CDH23: variants seen among roughly 807,000 people sequenced by gnomAD.
CDH23 encodes the protein cadherin-23.
In CDH23, 189 loss-of-function variants were observed where a neutral mutation model predicts 317.1. The observed-to-expected ratio is 0.60, with a 90% confidence interval of 0.53 to 0.67. The LOEUF is 0.67. Ranked by LOEUF, CDH23 falls within the 30% of genes least tolerant of loss-of-function variation. The pLI is 0.00. For synonymous variants in CDH23, 1,839 were observed against 1,876.8 expected (o/e 0.98, Z 0.52); for missense variants, 4,401 against 4,592.4 (o/e 0.96, Z 1.20).
intron 14 of CDH23, among the ~76,000 whole-genome samples, chr10:71,672,654 G>A (rs371695293): frequency 6.6e-6 from 1 of 152,184 alleles, no homozygotes; most frequent in African/African-American, 2.4e-5. Context: ...CCAGTCCAAC[G>A]TGGGCAGGGG....
chr10:71,720,686 G>C (rs1866515875), intron 28 of CDH23, among the ~76,000 whole-genome samples: 1 of 152,210 alleles, frequency 6.6e-6, no homozygotes, highest in South Asian at 2.1e-4. Context: ...CCCATAAAAA[G>C]AGGCACTGTC....
At chr10:71,532,727 G>GTTTTTTTTTTTTTTTTTTTT (rs200038577) in intron 6 of CDH23, among the ~76,000 whole-genome samples, 7 of 93,930 alleles carry the variant, frequency 7.5e-5, no homozygotes, top group Non-Finnish European at 9.6e-5. Flanking sequence ...TTTTTTTTTT[G>GTTTTTTTTTTTTTTTTTTTT]TTTTTTTTTT....
chr10:71,527,228 G>A (rs1005592194), intron 6 of CDH23, among the ~76,000 whole-genome samples: 93 of 152,368 alleles, frequency 6.1e-4, no homozygotes, highest in African/African-American at 2.1e-3. Flanking sequence ...CACAGGGCAC[G>A]CACGCGTGCA....
Position 71,751,911 on chromosome 10 carries a change from C to A in CDH23, c.4845+9990C>A, listed in dbSNP as rs140530381. The A allele has an allele frequency of 1.9e-3, 2,958 of 1,520,196 alleles. 20 individuals are homozygous for A. Among genetic ancestry groups the A allele is most frequent in the South Asian group, 4.9e-3 (389 of 79,508 alleles). 94.2% of individuals were successfully genotyped at this position (1,520,196 alleles called of 1,614,324 possible). A position where few individuals can be genotyped will look rare whatever the true frequency, so the allele number is the denominator to read the frequency against. ...TCATCTGTGCTGTCCGGAGCGTGAACTCTGCCCTCCCTGCCCCCAGTTTTT... is the reference window on the plus strand; with the variant it reads ...TCATCTGTGCTGTCCGGAGCGTGAAATCTGCCCTCCCTGCCCCCAGTTTTT... On this transcript the variant is annotated intron_variant, in intron 38 of 69. Coordinates refer to ENST00000224721, the MANE Select transcript of CDH23 (RefSeq NM_022124.6). This position sits in a 1 kb window ranked among gnomAD's most constrained non-coding sequence, Gnocchi z 4.9.
intron 9 of CDH23, among the ~76,000 whole-genome samples, chr10:71,588,465 A>C (rs1859237543): frequency 6.6e-6 from 1 of 152,162 alleles, no homozygotes; most frequent in Non-Finnish European, 1.5e-5. Context: ...AAGCTCTCAA[A>C]ACAGTGCCTA....
intron 3 of CDH23, among the ~76,000 whole-genome samples, chr10:71,478,570 A>C (rs1423222764): frequency 6.6e-6 from 1 of 152,214 alleles, no homozygotes; most frequent in Non-Finnish European, 1.5e-5. Flanking sequence ...TTTCTGCTGC[A>C]TCTGGTTCAT....
rs187340574 is a variant in CDH23 at position 71,533,693 on chromosome 10, T to C, written c.429+22481T>C. 2.7e-3 allele frequency among the ~76,000 whole-genome samples: 411 copies of C among 152,190 alleles called. 1 individual carries two copies. The highest frequency in any genetic ancestry group is 9.3e-3 in the African/African-American group (385 of 41,494). Reference sequence around the variant, plus strand: ...GTCAGTGGTTTGGATTTTCTCCTCTTTGGCACTGGAGAGGTTGGAGGGCTT... The same window carrying C: ...GTCAGTGGTTTGGATTTTCTCCTCTCTGGCACTGGAGAGGTTGGAGGGCTT... On this transcript the variant is annotated intron_variant, in intron 6 of 69. Transcript: ENST00000224721.
At chr10:71,679,357 C>A in intron 16 of CDH23, 30 bp from the exon 17 acceptor site, 1 of 1,523,376 alleles carries the variant, frequency 6.6e-7, no homozygotes, top group South Asian at 1.1e-5. Flanking sequence ...CCTGCAGGCT[C>A]ACGGCCCTTG....
At chr10:71,776,031 C>G (rs116382162) in intron 38 of CDH23, among the ~76,000 whole-genome samples, 75 of 152,274 alleles carry the variant, frequency 4.9e-4, no homozygotes, top group African/African-American at 1.8e-3. Context: ...TTCCCACATT[C>G]CCAAACTCAC....
chr10:71,750,125 G>A (rs1465940119), intron 38 of CDH23: 2 of 152,164 alleles, frequency 1.3e-5, no homozygotes, highest in Non-Finnish European at 2.9e-5. Context: ...GACTCACCTT[G>A]CCTATGTGTA....
chr10:71,510,921 A>C (rs1443357129), intron 4 of CDH23, 33 bp from the exon 5 acceptor site: 1 of 1,613,464 alleles, frequency 6.2e-7, no homozygotes, highest in African/African-American at 1.3e-5. Context: ...GCACCGCCTA[A>C]CTGCCCCCCT....
At chr10:71,812,684 G>C in intron 67 of CDH23, 75 bp downstream of exon 67, 1 of 1,612,256 alleles carries the variant, frequency 6.2e-7, no homozygotes, top group Non-Finnish European at 8.5e-7. Flanking sequence ...TGGCCAAGAA[G>C]CTGGGTTCTT....
chr10:71,610,576 T>A (rs10999914), intron 9 of CDH23, among the ~76,000 whole-genome samples: 2,780 of 152,314 alleles, frequency 0.018, 176 homozygotes, highest in East Asian at 0.15. Flanking sequence ...TATCTTCTTA[T>A]AAGGTGGTTG....
rs759702981 is a variant in CDH23, at chr10:71,740,785, G to A, written c.4489-37G>A. 1.7e-5 allele frequency: 28 copies of A among 1,612,720 alleles called. No individual in the cohort carries two copies. In the Admixed American group the frequency reaches 3.5e-4, roughly 20 times the overall value. On this transcript the variant is annotated intron_variant, in intron 36 of 69. Coordinates refer to ENST00000224721, the MANE Select transcript of CDH23 (RefSeq NM_022124.6). The stretch of plus-strand genomic sequence containing the variant: ...CCATATTCCCAATCCTGCCCGCCAC[G>A]CTTTAGCCCTGACTCCAGTTGCCCT...
At chr10:71,774,437 A>C (rs1193927121) in intron 38 of CDH23, among the ~76,000 whole-genome samples, 1 of 152,050 alleles carries the variant, frequency 6.6e-6, no homozygotes, top group Non-Finnish European at 1.5e-5. Flanking sequence ...TTTTCCCGGC[A>C]AATCCTTACT....
At position 71,751,956 on chromosome 10, in the gene CDH23, C is replaced by G. The variant is rs1372084320; in HGVS notation, c.4845+10035C>G. On this transcript the variant is annotated intron_variant, in intron 38 of 69. Coordinates refer to ENST00000224721, the MANE Select transcript of CDH23 (RefSeq NM_022124.6). The surrounding 1 kb of genome is among the most constrained non-coding windows in gnomAD (Gnocchi z 4.9). ...GTTTTTCTCTCCTCCCTTTCTCTCA[C>G]CTACATCCCCATCCCCAAGCCTCAG... 2.3e-6 allele frequency: 3 copies of G among 1,276,902 alleles called. No individual in the cohort carries two copies. In the African/African-American group the frequency reaches 4.4e-5, roughly 19 times the overall value. 79.1% of individuals were successfully genotyped at this position (1,276,902 alleles called of 1,614,324 possible). A position where few individuals can be genotyped will look rare whatever the true frequency, so the allele number is the denominator to read the frequency against.
In CDH23 at chr10:71,739,765, T is replaced by C; in HGVS notation, c.4481T>C (p.Ile1494Thr). Residue 1494 changes from isoleucine to threonine, a missense_variant, in exon 36 of 70, where the codon ATC becomes ACC. This residue lies in a region of CDH23 where 3,068 missense variants were observed against 3,203.3 expected (regional missense o/e 0.96). Coordinates refer to ENST00000224721, the MANE Select transcript of CDH23 (RefSeq NM_022124.6). ...GACAGAGAAGAGCTGGATCACTACA[T>C]CCTCCAGGTGGGGCCTGGCCTCCCT... ...PLDREELDHY[I>T]LQVVASDRGT... 4 of 1,610,354 alleles carry C rather than the reference T, an allele frequency of 2.5e-6. No individual in the cohort carries two copies. The highest frequency in any genetic ancestry group is 3.4e-6 in the Non-Finnish European group (4 of 1,178,312).
chr10:71,491,903 T>C (rs1167841471), intron 3 of CDH23, among the ~76,000 whole-genome samples: 1 of 152,126 alleles, frequency 6.6e-6, no homozygotes, highest in Non-Finnish European at 1.5e-5. Context: ...GAGGCGAGCC[T>C]TCCCCACTCG....
At chr10:71,626,450 A>T (rs1861740675) in intron 11 of CDH23, among the ~76,000 whole-genome samples, 1 of 152,134 alleles carries the variant, frequency 6.6e-6, no homozygotes, top group African/African-American at 2.4e-5. Flanking sequence ...TGTTCAGCTG[A>T]GGGTCCCTTT....
Sources: gnomAD v4.1 joint callset for allele counts (sites outside exome capture counted in the v4.1 genomes callset) on GRCh38, gnomAD v4.1.1 for gene constraint, gnomAD v4.1.1 regional missense constraint, Gnocchi (gnomAD v3.1) non-coding constraint, MANE v1.5 for transcripts, NCBI Gene and HGNC (gene_info 2026-07-23, HGNC 2026-07-21) for gene names.